Variants in COP1 observed in about 807,000 individuals in gnomAD.
COP1 encodes the protein COP1 E3 ubiquitin ligase.
In COP1, 24 loss-of-function variants were observed where a neutral mutation model predicts 101.3. The ratio of observed to expected loss-of-function variants is 0.24; its 90% CI spans 0.17 to 0.33. COP1 has a LOEUF of 0.33. COP1 is among the 10% of genes least tolerant of loss of function. The pLI, the probability that COP1 is intolerant of heterozygous loss-of-function variation, is 1.00. For missense variants in COP1, 663 were observed against 906.2 expected, an observed-to-expected ratio of 0.73 and a Z score of 3.45; for synonymous variants, 347 against 341.9, an observed-to-expected ratio of 1.01 and a Z score of -0.17.
chr1:176,174,224 G>A (rs921156951), intron 3 of COP1, among the ~76,000 whole-genome samples: 1 of 152,002 alleles, frequency 6.6e-6, no homozygotes, highest in Non-Finnish European at 1.5e-5. Context: ...CTCCAAAAGA[G>A]TAAGTAGTTT....
intron 5 of COP1, among the ~76,000 whole-genome samples, chr1:176,155,608 TG>T (rs1693327044): frequency 6.6e-6 from 1 of 151,932 alleles, no homozygotes; most frequent in Admixed American, 6.6e-5. Flanking sequence ...TCCTAGGCAT[TG>T]AATTTGTTCG....
At chr1:175,949,687 T>C (rs1407654149) in intron 18 of COP1, among the ~76,000 whole-genome samples, 1 of 152,196 alleles carries the variant, frequency 6.6e-6, no homozygotes, top group Non-Finnish European at 1.5e-5. Context: ...CACCACTAAA[T>C]GCTGCAGCCA....
intron 18 of COP1, among the ~76,000 whole-genome samples, chr1:175,951,099 A>G (rs1649831495): frequency 6.6e-6 from 1 of 151,966 alleles, no homozygotes; most frequent in African/African-American, 2.4e-5. Context: ...TACAAAAAAA[A>G]TTAGCCAGGC....
At chr1:175,984,350 G>A (rs944176944) in intron 18 of COP1, among the ~76,000 whole-genome samples, 4 of 152,206 alleles carry the variant, frequency 2.6e-5, no homozygotes, top group African/African-American at 9.6e-5. Flanking sequence ...CAAAGCCTTG[G>A]CAGCTTCCAT....
intron 11 of COP1, among the ~76,000 whole-genome samples, chr1:176,065,028 T>C (rs1164219994): frequency 1.3e-5 from 2 of 152,196 alleles, no homozygotes; most frequent in African/African-American, 4.8e-5. Context: ...ACACAAACCA[T>C]ATAACTAAGA....
chr1:176,058,186 G>GC (rs1674112209), intron 11 of COP1, among the ~76,000 whole-genome samples: 1 of 104,674 alleles, frequency 9.6e-6, no homozygotes, highest in African/African-American at 3.3e-5. Flanking sequence ...GGTAGGGAGG[G>GC]GGGGGGTCAG....
At chr1:175,989,200 C>T in intron 16 of COP1, 162 bp downstream of exon 16, 1 of 474,878 alleles carries the variant, frequency 2.1e-6, no homozygotes, top group South Asian at 4.7e-5. Context: ...CCAGAAACCA[C>T]ACTACTTTAA....
chr1:176,135,628 T>C (rs74127185), intron 7 of COP1, among the ~76,000 whole-genome samples: 16,539 of 152,068 alleles, frequency 0.11, 988 homozygotes, highest in Middle Eastern at 0.16. Flanking sequence ...ACTCTAATTT[T>C]TGATCAGTAA....
intron 1 of COP1, among the ~76,000 whole-genome samples, chr1:176,188,385 C>A (rs750872854): frequency 4.6e-5 from 7 of 152,110 alleles, no homozygotes; most frequent in South Asian, 2.1e-4. Flanking sequence ...ACCATTAATT[C>A]TTTCCAATTT....
intron 9 of COP1, among the ~76,000 whole-genome samples, chr1:176,107,206 T>C (rs1572271377): frequency 6.6e-6 from 1 of 152,274 alleles, no homozygotes; most frequent in African/African-American, 2.4e-5. Flanking sequence ...TATAACAATG[T>C]ATATTAATAC....
intron 15 of COP1, among the ~76,000 whole-genome samples, chr1:176,015,867 C>T (rs1665537301): frequency 6.6e-6 from 1 of 152,004 alleles, no homozygotes; most frequent in African/African-American, 2.4e-5. Flanking sequence ...GTGAAGTGGG[C>T]TACAATGTGA....
At chr1:176,136,646 T>C (rs1689840043) in intron 6 of COP1, 99 bp from the exon 7 acceptor site, 2 of 739,176 alleles carry the variant, frequency 2.7e-6, no homozygotes, top group South Asian at 3.9e-5. Context: ...ATTAGGAAAA[T>C]AATTTCTATC....
At chr1:176,188,334 T>C (rs984017956) in intron 1 of COP1, among the ~76,000 whole-genome samples, 1 of 151,840 alleles carries the variant, frequency 6.6e-6, no homozygotes, top group Non-Finnish European at 1.5e-5. Context: ...GGATGAAAAA[T>C]CTCAGAAACT....
chr1:176,188,773 T>TC (rs959135535), intron 1 of COP1, among the ~76,000 whole-genome samples: 1 of 151,506 alleles, frequency 6.6e-6, no homozygotes, highest in African/African-American at 2.4e-5. Flanking sequence ...ACCTGCTATT[T>TC]CCCCCCTCTC....
At chr1:176,165,045 T>C (rs1418775153) in intron 3 of COP1, among the ~76,000 whole-genome samples, 1 of 152,114 alleles carries the variant, frequency 6.6e-6, no homozygotes, top group Non-Finnish European at 1.5e-5. Flanking sequence ...AATGCAAGTA[T>C]AAATATTTTT....
At chr1:176,096,937 G>A (rs570700812) in intron 9 of COP1, among the ~76,000 whole-genome samples, 1 of 152,282 alleles carries the variant, frequency 6.6e-6, no homozygotes, top group African/African-American at 2.4e-5. Flanking sequence ...GTGGCCCGGG[G>A]TTCGATCCTG....
chr1:176,019,236 G>A (rs985163151), intron 15 of COP1, among the ~76,000 whole-genome samples: 12 of 151,218 alleles, frequency 7.9e-5, no homozygotes, highest in Non-Finnish European at 1.6e-4. Context: ...AGGCCGAGGC[G>A]GGCGGATCAC....
chr1:175,969,941 T>C (rs1343604171), intron 18 of COP1, among the ~76,000 whole-genome samples: 5 of 152,210 alleles, frequency 3.3e-5, no homozygotes, highest in Non-Finnish European at 7.3e-5. Flanking sequence ...AATACTAGTG[T>C]ATTATTCTAG....
intron 11 of COP1, among the ~76,000 whole-genome samples, chr1:176,055,416 C>T (rs1047409619): frequency 1.2e-4 from 18 of 152,178 alleles, no homozygotes; most frequent in African/African-American, 4.1e-4. Flanking sequence ...GCCTGGGCAA[C>T]AAAAGTGAAA....
Sources: allele counts gnomAD v4.1 joint callset (sites outside exome capture counted in the v4.1 genomes callset), GRCh38; gene constraint gnomAD v4.1.1; transcripts MANE v1.5; gene names NCBI Gene and HGNC (gene_info 2026-07-23, HGNC 2026-07-21).